Variants in SMIM13 observed in about 807,000 individuals in gnomAD.
SMIM13 encodes UPF0766 protein C6orf228.
In SMIM13, 3 loss-of-function variants were observed where a neutral mutation model predicts 5.9. That is an observed-to-expected ratio of 0.51 (90% CI 0.23 to 1.31). The LOEUF is 1.31. Ranked by LOEUF, SMIM13 falls within the 40% of genes most tolerant of loss-of-function variation. The pLI, the probability that SMIM13 is intolerant of heterozygous loss-of-function variation, is 0.18. For synonymous variants in SMIM13, 55 were observed against 46.0 expected (o/e 1.19, Z -0.79); for missense variants, 85 against 109.9 (o/e 0.77, Z 1.01).
rs1245711758 is a variant in SMIM13 at position 11,134,693 on chromosome 6, G to A, written c.*91G>A. 4.9e-6 allele frequency: 5 copies of A among 1,018,090 alleles called. No individual in the cohort carries two copies. The highest frequency in any genetic ancestry group is 5.3e-6 in the Non-Finnish European group (4 of 751,848). The allele number at this position is 1,018,090 out of a possible 1,614,324, so 63.1% of individuals were successfully genotyped here. ...ATTTACTAATGACTGAAGAACATTT[G>A]TATTGGATTTTAAGTCGAATTTTAA... On this transcript the variant is annotated 3_prime_UTR_variant, in exon 2 of 2. Transcript: ENST00000416247.
chr6:11,126,340 G>T (rs1379369148), intron 1 of SMIM13, among the ~76,000 whole-genome samples: 1 of 152,168 alleles, frequency 6.6e-6, no homozygotes, highest in Non-Finnish European at 1.5e-5. Context: ...GAGCCATGGC[G>T]CCCAGCCCTG....
In SMIM13 at chr6:11,134,709, C is replaced by T. The variant is rs774924215; in HGVS notation, c.*107C>T. The stretch of plus-strand genomic sequence containing the variant: ...AGAACATTTGTATTGGATTTTAAGT[C>T]GAATTTTAAAAAAGATTTACATGTA... On this transcript the variant is annotated 3_prime_UTR_variant, in exon 2 of 2. Coordinates refer to ENST00000416247, the MANE Select transcript of SMIM13 (RefSeq NM_001135575.2). 4.5e-6 allele frequency: 4 copies of T among 884,902 alleles called. No homozygotes were observed. The highest frequency in any genetic ancestry group is 4.1e-5 in the South Asian group (1 of 24,302). 54.8% of individuals were successfully genotyped at this position (884,902 alleles called of 1,614,324 possible).
At chr6:11,102,099 C>T (rs1008323872) in intron 1 of SMIM13, among the ~76,000 whole-genome samples, 1 of 151,986 alleles carries the variant, frequency 6.6e-6, no homozygotes, top group Non-Finnish European at 1.5e-5. Context: ...TTTTAGGAAC[C>T]ATGGAGATGT....
intron 1 of SMIM13, among the ~76,000 whole-genome samples, chr6:11,107,931 T>C (rs1038132059): frequency 5.3e-5 from 8 of 152,236 alleles, no homozygotes; most frequent in Non-Finnish European, 1.2e-4. Flanking sequence ...CTATAGGCAT[T>C]GCCATTATGG....
chr6:11,097,196 A>G (rs1757936927), intron 1 of SMIM13, among the ~76,000 whole-genome samples: 1 of 151,854 alleles, frequency 6.6e-6, no homozygotes, highest in African/African-American at 2.4e-5. Context: ...AGCAGGGTTG[A>G]TTTTCTCCTG....
At position 11,094,354 on chromosome 6, in the gene SMIM13, C is replaced by T; in HGVS notation, c.41C>T (p.Ala14Val). 1.3e-6 allele frequency: 2 copies of T among 1,537,120 alleles called. No individual in the cohort carries two copies. Among genetic ancestry groups the T allele is most frequent in the Non-Finnish European group, 8.7e-7 (1 of 1,143,738 alleles). ...SVGLTLLVFV[A>V]TLLIVLLLMV... ...GGGCTGACTCTGCTTGTGTTCGTGG[C>T]CACGCTGCTGATCGTCCTGCTGCTG... Residue 14 changes from alanine to valine, a missense_variant, in exon 1 of 2, where the codon GCC becomes GTC. Transcript: ENST00000416247.
rs530392173 is a variant in SMIM13, at chr6:11,131,762, C to G, written c.77-2641C>G. Among the ~76,000 whole-genome samples, 10 of 152,134 alleles carry G rather than the reference C, an allele frequency of 6.6e-5. No homozygotes were observed. In the South Asian group the frequency reaches 2.1e-3, roughly 32 times the overall value. On this transcript the variant is annotated intron_variant, in intron 1 of 1. Coordinates refer to ENST00000416247, the MANE Select transcript of SMIM13 (RefSeq NM_001135575.2). ...ATGAATTTGGACCCCTCTCTTATAC[C>G]AAAATTAACAAAACTGGATTGAAGA...
In SMIM13 at chr6:11,137,688, G is replaced by A. The variant is rs1471601591; in HGVS notation, c.*3086G>A. 6.6e-6 allele frequency: 1 copy of A among 152,044 alleles called. No homozygotes were observed. The highest frequency in any genetic ancestry group is 1.5e-5 in the Non-Finnish European group (1 of 67,982). 9.4% of individuals were successfully genotyped at this position (152,044 alleles called of 1,614,324 possible). A position where few individuals can be genotyped will look rare whatever the true frequency, so the allele number is the denominator to read the frequency against. On this transcript the variant is annotated 3_prime_UTR_variant, in exon 2 of 2. Coordinates refer to ENST00000416247, the MANE Select transcript of SMIM13 (RefSeq NM_001135575.2). ...AATTGTTCTGCCTTTGAAACTTTTT[G>A]TGAAAATTGCCTGTACCAATTGCAT...
intron 1 of SMIM13, chr6:11,104,868 G>A (rs2113643989): frequency 3.7e-6 from 6 of 1,614,226 alleles, no homozygotes; most frequent in East Asian, 2.2e-5. Context: ...TACAGTGAAA[G>A]TAACATTACA....
chr6:11,133,891 A>G (rs1758484754), intron 1 of SMIM13, among the ~76,000 whole-genome samples: 1 of 152,042 alleles, frequency 6.6e-6, no homozygotes, highest in Non-Finnish European at 1.5e-5. Context: ...AAGAAAATGT[A>G]TTTTCTTTGA....
At chr6:11,122,474 G>A (rs1238572664) in intron 1 of SMIM13, among the ~76,000 whole-genome samples, 1 of 152,072 alleles carries the variant, frequency 6.6e-6, no homozygotes, top group East Asian at 1.9e-4. Flanking sequence ...TTTTTGCAGT[G>A]TGGACCAAAA....
chr6:11,127,458 A>G (rs1156342122), intron 1 of SMIM13, among the ~76,000 whole-genome samples: 5 of 152,334 alleles, frequency 3.3e-5, no homozygotes, highest in Middle Eastern at 6.8e-3. Context: ...GGTTCAGTGT[A>G]TTAGTCCACT....
At chr6:11,104,687 C>G (rs757096237) in intron 1 of SMIM13, 7 of 1,614,216 alleles carry the variant, frequency 4.3e-6, no homozygotes, top group Non-Finnish European at 5.9e-6. Flanking sequence ...AATCAGCAGG[C>G]CGGAACCAGA....
Position 11,134,391 on chromosome 6 carries a change from CT to C in SMIM13, c.77-9del. 6.5e-7 allele frequency: 1 copy of C among 1,545,514 alleles called. No homozygotes were observed. Among genetic ancestry groups the C allele is most frequent in the Non-Finnish European group, 8.7e-7 (1 of 1,143,826 alleles). On this transcript the variant is annotated splice_polypyrimidine_tract_variant and intron_variant, in intron 1 of 1. Transcript: ENST00000416247. ...TAATAACTTTTCTTAATGTTTTTGT[CT>C]TTCTCTGTAGGTTGGTATTTTGTAT... is the stretch of plus-strand genomic sequence containing the variant.
chr6:11,123,594 A>G (rs981567143), intron 1 of SMIM13, among the ~76,000 whole-genome samples: 3 of 152,246 alleles, frequency 2.0e-5, no homozygotes, highest in Admixed American at 2.0e-4. Context: ...GTTAAACTGA[A>G]TAACAATTTG....
chr6:11,103,646 G>A (rs958843589), intron 1 of SMIM13: 5 of 1,493,238 alleles, frequency 3.3e-6, no homozygotes, highest in Non-Finnish European at 4.5e-6. Context: ...GACGGGGCAG[G>A]ATTTCGCCTC....
intron 1 of SMIM13, among the ~76,000 whole-genome samples, chr6:11,125,366 C>T (rs985812888): frequency 2.7e-5 from 4 of 149,018 alleles, no homozygotes; most frequent in Admixed American, 6.7e-5. Flanking sequence ...GAGGCCAAGG[C>T]GGGTGGATCC....
intron 1 of SMIM13, among the ~76,000 whole-genome samples, chr6:11,123,573 A>AG (rs1758338546): frequency 6.6e-6 from 1 of 152,376 alleles, no homozygotes; most frequent in Admixed American, 6.5e-5. Flanking sequence ...AGTGTATGAC[A>AG]GAACAGTTTA....
At chr6:11,106,763 T>G (rs1266831933) in intron 1 of SMIM13, among the ~76,000 whole-genome samples, 1 of 152,190 alleles carries the variant, frequency 6.6e-6, no homozygotes, top group Non-Finnish European at 1.5e-5. Context: ...GCAGTTTCAT[T>G]AGAGCCCCTT....
Sources: gnomAD v4.1 joint callset for allele counts (sites outside exome capture counted in the v4.1 genomes callset) on GRCh38, gnomAD v4.1.1 for gene constraint, MANE v1.5 for transcripts, NCBI Gene and HGNC (gene_info 2026-07-23, HGNC 2026-07-21) for gene names.